KPNA4: variants seen among roughly 807,000 people sequenced by gnomAD.
KPNA4 encodes karyopherin subunit alpha 4.
KPNA4 carries 13 observed loss-of-function variants against 71.3 expected under a neutral mutation model. That is an observed-to-expected ratio of 0.18 (90% confidence interval 0.12 to 0.29). The LOEUF (loss-of-function observed/expected upper bound fraction) is 0.29, where lower values mean the gene tolerates loss of function less well. Ranked by LOEUF, KPNA4 falls within the 10% of genes least tolerant of loss-of-function variation. KPNA4 has a pLI of 1.00. For missense variants in KPNA4, 334 were observed against 603.2 expected, an observed-to-expected ratio of 0.55 and a Z score of 4.67; for synonymous variants, 189 against 195.2, an observed-to-expected ratio of 0.97 and a Z score of 0.26.
intron 13 of KPNA4, among the ~76,000 whole-genome samples, chr3:160,513,002 A>T (rs553989687): frequency 6.6e-6 from 1 of 152,282 alleles, no homozygotes; most frequent in East Asian, 1.9e-4. Context: ...TTAATGGATA[A>T]CTTTATAACC....
At chr3:160,541,579 T>C (rs12639488) in intron 1 of KPNA4, among the ~76,000 whole-genome samples, 33,554 of 151,802 alleles carry the variant, frequency 0.22, 4,093 homozygotes, top group Non-Finnish European at 0.27. Flanking sequence ...CTAAATATCA[T>C]TGAATTCTAC....
At chr3:160,530,134 CAAAAAAAAAAAA>C (rs746257397) in intron 7 of KPNA4, among the ~76,000 whole-genome samples, 5 of 38,530 alleles carry the variant, frequency 1.3e-4, no homozygotes, top group Non-Finnish European at 2.4e-4. Flanking sequence ...GACTCCATCT[CAAAAAAAAAAAA>C]AAAAAAAAAA....
intron 15 of KPNA4, 65 bp downstream of exon 15, chr3:160,508,042 C>A (rs914149814): frequency 1.6e-5 from 20 of 1,246,586 alleles, no homozygotes; most frequent in Non-Finnish European, 2.1e-5. Flanking sequence ...CTATATTAGT[C>A]GGCAAATAAA....
At chr3:160,541,878 C>T (rs933562728) in intron 1 of KPNA4, among the ~76,000 whole-genome samples, 1 of 152,112 alleles carries the variant, frequency 6.6e-6, no homozygotes, top group Non-Finnish European at 1.5e-5. Context: ...AGTAATAAGG[C>T]CCAAACTTAG....
At chr3:160,519,588 A>G (rs1194711821) in intron 11 of KPNA4, among the ~76,000 whole-genome samples, 2 of 151,658 alleles carry the variant, frequency 1.3e-5, no homozygotes, top group African/African-American at 4.8e-5. Flanking sequence ...AGGTCAGGAG[A>G]TCGAGACCAT....
intron 1 of KPNA4, among the ~76,000 whole-genome samples, chr3:160,555,214 T>C (rs1264527471): frequency 2.0e-5 from 3 of 152,238 alleles, no homozygotes; most frequent in African/African-American, 4.8e-5. Context: ...AAGTATTGTG[T>C]TGAGTGACTG....
rs1720863259 is a variant in KPNA4, at chr3:160,500,871, T to C, written c.*1233A>G. On this transcript the variant is annotated 3_prime_UTR_variant, in exon 17 of 17. Coordinates refer to ENST00000334256, the MANE Select transcript of KPNA4 (RefSeq NM_002268.5). ...CATATCATTTTCATAGAAAACAAAG[T>C]TTGAAAACAAGTAACATTTAAACAC... 6.6e-6 allele frequency: 1 copy of C among 152,604 alleles called. No individual in the cohort carries two copies. 9.5% of individuals were successfully genotyped at this position (152,604 alleles called of 1,614,324 possible). A position where few individuals can be genotyped will look rare whatever the true frequency, so the allele number is the denominator to read the frequency against.
At chr3:160,540,503 T>C (rs2108555579) in intron 1 of KPNA4, among the ~76,000 whole-genome samples, 1 of 152,286 alleles carries the variant, frequency 6.6e-6, no homozygotes, top group African/African-American at 2.4e-5. Flanking sequence ...GGTTTTCTTT[T>C]CCTCTCCAAG....
chr3:160,543,714 T>C (rs1721851328), intron 1 of KPNA4, among the ~76,000 whole-genome samples: 2 of 152,212 alleles, frequency 1.3e-5, no homozygotes, highest in African/African-American at 2.4e-5. Context: ...GTAGTTTCTA[T>C]GCTAAGAATC....
intron 13 of KPNA4, among the ~76,000 whole-genome samples, chr3:160,510,805 T>C (rs919375855): frequency 1.1e-4 from 17 of 152,034 alleles, no homozygotes; most frequent in Non-Finnish European, 2.4e-4. Context: ...TATTCTTTTT[T>C]TTTTGAGAGG....
intron 1 of KPNA4, among the ~76,000 whole-genome samples, chr3:160,543,643 A>T (rs1487309921): frequency 6.6e-6 from 1 of 152,012 alleles, no homozygotes; most frequent in Non-Finnish European, 1.5e-5. Context: ...AATTTTTTCA[A>T]CTTTAGAAAA....
intron 8 of KPNA4, among the ~76,000 whole-genome samples, chr3:160,526,919 A>G (rs1182665651): frequency 2.0e-5 from 3 of 152,232 alleles, no homozygotes; most frequent in African/African-American, 7.2e-5. Context: ...TATAAAAGCA[A>G]AAGAGTGAGG....
rs1447932914 is a variant in KPNA4, at chr3:160,521,795, T to C, written c.887A>G (p.Gln296Arg). ...VPHLVPLLSH[Q>R]EVKVQTAALR... ...CAAACTTACCTGAACTTTAACTTCC[T>C]GGTGGCTGAGCAGAGGAACCAAATG... Residue 296 changes from glutamine (Q) to arginine (R), a missense_variant, in exon 11 of 17, where the codon CAG becomes CGG. By Grantham distance (43) the Gln-to-Arg change is conservative. Transcript: ENST00000334256. 1.2e-6 allele frequency: 2 copies of C among 1,611,660 alleles called. No individual in the cohort carries two copies. The highest frequency in any genetic ancestry group is 1.7e-6 in the Non-Finnish European group (2 of 1,179,806).
Position 160,541,426 on chromosome 3 carries a change from T to C in KPNA4, c.70-4586A>G, listed in dbSNP as rs1181919002. Among the ~76,000 whole-genome samples the C allele has an allele frequency of 3.9e-5, 6 of 152,014 alleles. No individual in the cohort carries two copies. The South Asian group carries it at 6.3e-4, about 16-fold the overall frequency. ...ACTTTCATTGATACCTTGGGAAGGT[T>C]AATACTTAGGTAACAGCACTACCAA... On this transcript the variant is annotated intron_variant, in intron 1 of 16. Transcript: ENST00000334256.
At chr3:160,552,184 C>T (rs1367114594) in intron 1 of KPNA4, among the ~76,000 whole-genome samples, 12 of 152,084 alleles carry the variant, frequency 7.9e-5, no homozygotes, top group Non-Finnish European at 1.8e-4. Context: ...AAAAGACTAA[C>T]AGTAGTGAGA....
intron 16 of KPNA4, among the ~76,000 whole-genome samples, chr3:160,503,184 TA>T (rs200802600): frequency 1.3e-5 from 2 of 151,154 alleles, no homozygotes; most frequent in Non-Finnish European, 1.5e-5. Flanking sequence ...ACAATCACAT[TA>T]AAAAAAAATC....
chr3:160,523,547 C>T (rs892500624), intron 10 of KPNA4, among the ~76,000 whole-genome samples: 3 of 151,694 alleles, frequency 2.0e-5, no homozygotes, highest in African/African-American at 7.3e-5. Context: ...AAAAAGAAGA[C>T]ATCAAATGAG....
intron 13 of KPNA4, 95 bp downstream of exon 13, chr3:160,513,982 A>T: frequency 3.2e-6 from 2 of 626,168 alleles, no homozygotes; most frequent in Non-Finnish European, 4.9e-6. Context: ...TATGGCTTCT[A>T]ATTAAGCAGA....
intron 1 of KPNA4, among the ~76,000 whole-genome samples, chr3:160,560,056 C>T (rs1053204093): frequency 1.3e-5 from 2 of 152,016 alleles, no homozygotes; most frequent in African/African-American, 4.8e-5. Flanking sequence ...TCCAAAAACC[C>T]TCTGAGAAAA....
Sources: allele counts gnomAD v4.1 joint callset (sites outside exome capture counted in the v4.1 genomes callset), GRCh38; gene constraint gnomAD v4.1.1; transcripts MANE v1.5; gene names NCBI Gene and HGNC (gene_info 2026-07-23, HGNC 2026-07-21).